Variants in NCAM2 observed in about 807,000 individuals in gnomAD.
The protein encoded by NCAM2 is N-CAM-2.
NCAM2 carries 30 observed loss-of-function variants against 98.1 expected under a neutral mutation model. The observed-to-expected ratio is 0.31, with a 90% CI of 0.23 to 0.41. The LOEUF (loss-of-function observed/expected upper bound fraction) is 0.41, where lower values mean the gene tolerates loss of function less well. Ranked by LOEUF, NCAM2 falls within the 10% of genes least tolerant of loss-of-function variation. The probability of loss-of-function intolerance (pLI) is 1.00; values close to 1 mark genes in which losing one functional copy is unlikely to be tolerated. For synonymous variants in NCAM2, 368 were observed against 342.4 expected, an observed-to-expected ratio of 1.07 and a Z score of -0.83; for missense variants, 867 against 1,005.8, an observed-to-expected ratio of 0.86 and a Z score of 1.87.
intron 1 of NCAM2, among the ~76,000 whole-genome samples, chr21:21,029,983 C>A (rs6518034): frequency 0.5 from 76,734 of 151,974 alleles, 20,147 homozygotes; most frequent in Admixed American, 0.61. Flanking sequence ...CAATAAATTT[C>A]ATGTAAACTT....
chr21:21,237,369 C>T (rs750783388), intron 1 of NCAM2, among the ~76,000 whole-genome samples: 5 of 151,866 alleles, frequency 3.3e-5, no homozygotes, highest in Non-Finnish European at 5.9e-5. Flanking sequence ...TAAGATGAAA[C>T]GTAAAACTCT....
chr21:21,284,483 T>G (rs2073033756), intron 3 of NCAM2, 83 bp downstream of exon 3: 3 of 1,016,682 alleles, frequency 3.0e-6, no homozygotes, highest in Non-Finnish European at 4.4e-6. Context: ...TTGATAACAC[T>G]TATTAAGAAC....
intron 5 of NCAM2, among the ~76,000 whole-genome samples, chr21:21,309,378 G>C (rs111345068): frequency 6.6e-6 from 1 of 152,052 alleles, no homozygotes; most frequent in African/African-American, 2.4e-5. Flanking sequence ...TTTAAGCTTT[G>C]TTAAGTTTGA....
chr21:21,376,968 A>T (rs890805746), intron 9 of NCAM2, among the ~76,000 whole-genome samples: 2 of 151,678 alleles, frequency 1.3e-5, no homozygotes, highest in Non-Finnish European at 1.5e-5. Flanking sequence ...CATTGAAAAA[A>T]ATTTTCTTAC....
chr21:21,434,102 T>C (rs1610116), intron 12 of NCAM2, among the ~76,000 whole-genome samples: 151,208 of 152,310 alleles, frequency 0.99, 75,067 homozygotes, highest in Non-Finnish European at 1. Context: ...CATTTTATCT[T>C]ACCTGTCCAT....
chr21:21,425,040 CAAAAAAAAAA>C (rs1192128472), intron 11 of NCAM2, among the ~76,000 whole-genome samples: 6 of 43,854 alleles, frequency 1.4e-4, no homozygotes, highest in South Asian at 2.3e-3. Context: ...CTTCCTCCTC[CAAAAAAAAAA>C]AAAAAAAAAA....
At chr21:21,473,107 CAAT>C (rs1984667356) in intron 14 of NCAM2, among the ~76,000 whole-genome samples, 1 of 151,334 alleles carries the variant, frequency 6.6e-6, no homozygotes. Flanking sequence ...TTCATGCTAA[CAAT>C]GATGAGTACC....
intron 1 of NCAM2, among the ~76,000 whole-genome samples, chr21:21,001,842 A>G (rs1296932373): frequency 6.6e-6 from 1 of 152,200 alleles, no homozygotes; most frequent in Non-Finnish European, 1.5e-5. Flanking sequence ...TAAAGCAGTC[A>G]TCTGCTTACA....
At chr21:21,460,609 C>T (rs1479406666) in intron 12 of NCAM2, among the ~76,000 whole-genome samples, 5 of 151,878 alleles carry the variant, frequency 3.3e-5, no homozygotes, top group Non-Finnish European at 7.4e-5. Flanking sequence ...AGTGGTGTTT[C>T]ATTTGGTATA....
At chr21:21,167,905 A>G (rs1050717961) in intron 1 of NCAM2, among the ~76,000 whole-genome samples, 1 of 152,158 alleles carries the variant, frequency 6.6e-6, no homozygotes, top group African/African-American at 2.4e-5. Flanking sequence ...CTAATTCTCC[A>G]TAATCTCTTT....
chr21:21,020,309 T>G (rs759655691), intron 1 of NCAM2, among the ~76,000 whole-genome samples: 2 of 152,180 alleles, frequency 1.3e-5, no homozygotes, highest in African/African-American at 2.4e-5. Flanking sequence ...GAGCTGGGCT[T>G]ACAGGCGTGA....
intron 5 of NCAM2, among the ~76,000 whole-genome samples, chr21:21,312,985 T>C (rs2074104867): frequency 1.3e-5 from 2 of 151,898 alleles, no homozygotes; most frequent in African/African-American, 2.4e-5. Flanking sequence ...ATGTGGTTCG[T>C]ATTTTCAACA....
chr21:21,308,763 A>G (rs1045806416), intron 5 of NCAM2, among the ~76,000 whole-genome samples: 1 of 152,270 alleles, frequency 6.6e-6, no homozygotes, highest in East Asian at 1.9e-4. Context: ...GAATGTTCCA[A>G]CTGATCTTGA....
chr21:21,160,914 G>C (rs1440975710), intron 1 of NCAM2, among the ~76,000 whole-genome samples: 1 of 151,928 alleles, frequency 6.6e-6, no homozygotes, highest in Non-Finnish European at 1.5e-5. Flanking sequence ...GAGCCCTATA[G>C]CACTGAATAA....
intron 12 of NCAM2, among the ~76,000 whole-genome samples, chr21:21,461,621 CAAT>C (rs1569088253): frequency 6.6e-6 from 1 of 151,502 alleles, no homozygotes; most frequent in Non-Finnish European, 1.5e-5. Flanking sequence ...TTTTATTAAC[CAAT>C]AATCTATCCA....
At chr21:21,068,126 CT>C (rs796900500) in intron 1 of NCAM2, among the ~76,000 whole-genome samples, 60 of 127,598 alleles carry the variant, frequency 4.7e-4, no homozygotes, top group African/African-American at 1.3e-3. Flanking sequence ...AAAATAATGA[CT>C]TTTTTTTCTT....
chr21:21,377,692 G>A (rs1014898310), intron 9 of NCAM2, among the ~76,000 whole-genome samples: 2 of 151,702 alleles, frequency 1.3e-5, no homozygotes, highest in Admixed American at 1.3e-4. Flanking sequence ...CCTTTTTTAT[G>A]GTGAGACATT....
chr21:21,450,449 A>G (rs1292192000), intron 12 of NCAM2, among the ~76,000 whole-genome samples: 1 of 151,742 alleles, frequency 6.6e-6, no homozygotes, highest in Non-Finnish European at 1.5e-5. Context: ...GGCTCAAGCG[A>G]TCTTCCCACC....
chr21:21,030,570 T>A (rs1323632508), intron 1 of NCAM2, among the ~76,000 whole-genome samples: 8 of 152,192 alleles, frequency 5.3e-5, no homozygotes, highest in Non-Finnish European at 1.0e-4. Flanking sequence ...AAAGTCTTTT[T>A]GCCATGTTGA....
Sources: gnomAD v4.1 joint callset for allele counts (sites outside exome capture counted in the v4.1 genomes callset) on GRCh38, gnomAD v4.1.1 for gene constraint, MANE v1.5 for transcripts, NCBI Gene and HGNC (gene_info 2026-07-23, HGNC 2026-07-21) for gene names.